TM9SF3: variants seen among roughly 807,000 people sequenced by gnomAD.
TM9SF3 encodes the protein SM-11044-binding protein.
Under a neutral mutation model 78.6 loss-of-function variants are expected in TM9SF3, and 14 were observed. The observed-to-expected ratio is 0.18, with a 90% confidence interval of 0.12 to 0.28. The LOEUF is 0.28. Ranked by LOEUF, TM9SF3 falls within the 10% of genes least tolerant of loss-of-function variation. TM9SF3 has a pLI of 1.00. For synonymous variants in TM9SF3, 231 were observed against 241.7 expected (o/e 0.96, Z 0.41); for missense variants, 496 against 721.9 (o/e 0.69, Z 3.59).
At position 96,533,107 on chromosome 10, in the gene TM9SF3, C is replaced by G. The variant is rs1847916542; in HGVS notation, c.1269G>C (p.Gln423His). The part of the protein sequence containing the change: ...GTILGRNLSG[Q>H]PNFPCRVNAV... ...CATTGACACGACAAGGAAAGTTGGG[C>G]TGACCTGACAGATTTCGGCCAAGTA... Residue 423 changes from glutamine to histidine, a missense_variant, in exon 10 of 15, where the codon CAG becomes CAC. Gln to His is a conservative substitution (Grantham distance 24). This residue lies in a region of TM9SF3 where 280 missense variants were observed against 422.6 expected (regional missense o/e 0.66). Coordinates refer to ENST00000371142, the MANE Select transcript of TM9SF3 (RefSeq NM_020123.4). 6.2e-7 allele frequency: 1 copy of G among 1,614,062 alleles called. No individual in the cohort carries two copies. The highest frequency in any genetic ancestry group is 8.5e-7 in the Non-Finnish European group (1 of 1,180,000).
At chr10:96,537,669 TAAAAATACA>T (rs951014456) in intron 9 of TM9SF3, among the ~76,000 whole-genome samples, 1 of 152,072 alleles carries the variant, frequency 6.6e-6, no homozygotes, top group African/African-American at 2.4e-5. Flanking sequence ...CCTATCTCTA[TAAAAATACA>T]AAAATTAGCT....
intron 2 of TM9SF3, among the ~76,000 whole-genome samples, chr10:96,568,560 G>A (rs1419590842): frequency 6.6e-6 from 1 of 152,160 alleles, no homozygotes; most frequent in Non-Finnish European, 1.5e-5. Context: ...CAATTGAATA[G>A]GCAGTGAAAG....
intron 5 of TM9SF3, among the ~76,000 whole-genome samples, chr10:96,553,337 G>A (rs1848196453): frequency 6.6e-6 from 1 of 152,066 alleles, no homozygotes; most frequent in African/African-American, 2.4e-5. Context: ...AGTACAATTT[G>A]GCCATATAAC....
At chr10:96,552,495 A>C (rs1830269856) in intron 6 of TM9SF3, among the ~76,000 whole-genome samples, 7 of 152,110 alleles carry the variant, frequency 4.6e-5, no homozygotes, top group Admixed American at 4.6e-4. Context: ...ATTAGCTAGC[A>C]CTCTATGTAA....
chr10:96,526,840 T>C (rs1847843279), intron 14 of TM9SF3, among the ~76,000 whole-genome samples: 1 of 152,068 alleles, frequency 6.6e-6, no homozygotes. Context: ...GATCTTCCAT[T>C]GAACCTAAGC....
Position 96,520,123 on chromosome 10 carries a change from G to A in TM9SF3, c.*2140C>T. The A allele has an allele frequency of 6.6e-6, 1 of 151,796 alleles. No homozygotes were observed. Among genetic ancestry groups the A allele is most frequent in the East Asian group, 1.9e-4 (1 of 5,196 alleles). 9.4% of individuals were successfully genotyped at this position (151,796 alleles called of 1,614,324 possible). ...CTCCCATCAGACAGACTATGTATTG[G>A]TATGTTAAAAGTACTTTTGAATAAA... is the stretch of plus-strand genomic sequence containing the variant. On this transcript the variant is annotated 3_prime_UTR_variant, in exon 15 of 15. Coordinates refer to ENST00000371142, the MANE Select transcript of TM9SF3 (RefSeq NM_020123.4).
At chr10:96,529,222 TAC>T (rs2134130276) in intron 11 of TM9SF3, among the ~76,000 whole-genome samples, 1 of 152,262 alleles carries the variant, frequency 6.6e-6, no homozygotes, top group East Asian at 1.9e-4. Context: ...ACTCCTAAGG[TAC>T]TAATGCCCAT....
At position 96,544,156 on chromosome 10, in the gene TM9SF3, T is replaced by A. The variant is rs770317909; in HGVS notation, c.1105A>T (p.Met369Leu). The A allele has an allele frequency of 6.2e-7, 1 of 1,613,068 alleles. No homozygotes were observed. The highest frequency in any genetic ancestry group is 1.7e-5 in the Admixed American group (1 of 59,922). Residue 369 changes from methionine to leucine, a missense_variant, in exon 9 of 15, where the codon ATG becomes TTG. By Grantham distance (15) the Met-to-Leu change is conservative. Coordinates refer to ENST00000371142, the MANE Select transcript of TM9SF3 (RefSeq NM_020123.4). ...ATGAAGAAGGCAGTGCCACACACCATAGCTGGGATAAGGAATGCCCCAATA... is the reference window on the plus strand; with the variant it reads ...ATGAAGAAGGCAGTGCCACACACCAAAGCTGGGATAAGGAATGCCCCAATA... ...MFIGAFLIPA[M>L]VCGTAFFINF...
intron 8 of TM9SF3, among the ~76,000 whole-genome samples, chr10:96,544,663 T>G (rs1207638340): frequency 6.6e-6 from 1 of 152,110 alleles, no homozygotes; most frequent in East Asian, 1.9e-4. Flanking sequence ...CCAGAACAAT[T>G]ACATTTTCAA....
rs541469931 is a variant in TM9SF3, at chr10:96,558,285, G to C, written c.660+1374C>G. Among the ~76,000 whole-genome samples the C allele has an allele frequency of 1.1e-4, 17 of 149,044 alleles. 1 individual carries two copies. The South Asian group carries it at 3.4e-3, about 30-fold the overall frequency. The stretch of plus-strand genomic sequence containing the variant: ...AGGAGAACACACAGCAGGTGGGGTT[G>C]AGGTGGGGATTGAGGTAGGGGAAAA... On this transcript the variant is annotated intron_variant, in intron 5 of 14. Transcript: ENST00000371142.
chr10:96,526,458 T>G (rs1372910928), intron 14 of TM9SF3, among the ~76,000 whole-genome samples: 1 of 152,168 alleles, frequency 6.6e-6, no homozygotes, highest in East Asian at 1.9e-4. Context: ...CAGGCTCTCA[T>G]GCTTATGCCT....
At chr10:96,550,121 C>T (rs7087478) in intron 7 of TM9SF3, among the ~76,000 whole-genome samples, 31,108 of 152,022 alleles carry the variant, frequency 0.2, 3,549 homozygotes, top group Admixed American at 0.3. Flanking sequence ...AAAGCTCATG[C>T]GGTAAATGAA....
intron 2 of TM9SF3, among the ~76,000 whole-genome samples, chr10:96,573,172 G>A (rs761671873): frequency 2.4e-4 from 37 of 152,234 alleles, no homozygotes; most frequent in Non-Finnish European, 4.3e-4. Flanking sequence ...AAGAACACAC[G>A]GTAAATATTC....
intron 14 of TM9SF3, among the ~76,000 whole-genome samples, chr10:96,525,994 A>G (rs1280494455): frequency 2.6e-5 from 4 of 152,114 alleles, no homozygotes; most frequent in African/African-American, 4.8e-5. Flanking sequence ...AAGGAAGCCC[A>G]AGGACTTTCA....
intron 5 of TM9SF3, among the ~76,000 whole-genome samples, chr10:96,556,003 C>T (rs1418644885): frequency 2.6e-5 from 4 of 152,080 alleles, no homozygotes; most frequent in Non-Finnish European, 4.4e-5. Context: ...TAACAAGGCT[C>T]TGCTATTTTC....
chr10:96,539,132 T>A (rs540618055), intron 9 of TM9SF3, among the ~76,000 whole-genome samples: 1 of 152,328 alleles, frequency 6.6e-6, no homozygotes, highest in East Asian at 1.9e-4. Context: ...GGTATAACCA[T>A]GCAATTGAAT....
At position 96,519,916 on chromosome 10, in the gene TM9SF3, ATTAT is replaced by A. The variant is rs1219729419; in HGVS notation, c.*2343_*2346del. The A allele has an allele frequency of 6.6e-6, 1 of 151,940 alleles. No individual in the cohort carries two copies. Among genetic ancestry groups the A allele is most frequent in the African/African-American group, 2.4e-5 (1 of 41,410 alleles). 9.4% of individuals were successfully genotyped at this position (151,940 alleles called of 1,614,324 possible). On this transcript the variant is annotated 3_prime_UTR_variant, in exon 15 of 15. Transcript: ENST00000371142. ...TCTTAATGTATTTGGAAATCAGAAA[ATTAT>A]TTTTCACCACAGATTCCAAAGAACT...
Position 96,533,076 on chromosome 10 carries a change from G to A in TM9SF3, c.1300C>T (p.Pro434Ser). Residue 434 changes from proline (P) to serine (S), a missense_variant, in exon 10 of 15, where the codon CCT becomes TCT. Around this residue, in one of 4 missense-constraint regions of TM9SF3, gnomAD observed 280 missense variants for 422.6 expected, o/e 0.66. Coordinates refer to ENST00000371142, the MANE Select transcript of TM9SF3 (RefSeq NM_020123.4). ...CATTTTTTCTCCGGTATAGGACGAG[G>A]CACAGCATTGACACGACAAGGAAAG... The part of the protein sequence containing the change: ...PNFPCRVNAV[P>S]RPIPEKKWFM... The A allele has an allele frequency of 6.2e-7, 1 of 1,614,000 alleles. No homozygotes were observed. The highest frequency in any genetic ancestry group is 8.5e-7 in the Non-Finnish European group (1 of 1,179,982).
Position 96,576,776 on chromosome 10 carries a change from A to G in TM9SF3, c.156T>C (p.His52=), listed in dbSNP as rs760391725. The change falls in exon 2 of 15, where the codon CAT becomes CAC. Residue 52 remains histidine, a synonymous_variant. Coordinates refer to ENST00000371142, the MANE Select transcript of TM9SF3 (RefSeq NM_020123.4). ...VLWMNTVGPY[H]NRQETYKYFS... ...AGTACTTATATGTTTCTTGACGATT[A>G]TGGTAGGGCCCAACAGTATTCATCC... 6.2e-7 allele frequency: 1 copy of G among 1,603,616 alleles called. No individual in the cohort carries two copies. Among genetic ancestry groups the G allele is most frequent in the Non-Finnish European group, 8.5e-7 (1 of 1,175,820 alleles).
Sources: gnomAD v4.1 joint callset for allele counts (sites outside exome capture counted in the v4.1 genomes callset) on GRCh38, gnomAD v4.1.1 for gene constraint, gnomAD v4.1.1 regional missense constraint, MANE v1.5 for transcripts, NCBI Gene and HGNC (gene_info 2026-07-23, HGNC 2026-07-21) for gene names.